PTPRN2: variants seen among roughly 807,000 people sequenced by gnomAD.
PTPRN2 encodes receptor-type tyrosine-protein phosphatase N2.
Under a neutral mutation model 118.8 loss-of-function variants are expected in PTPRN2, and 74 were observed. That is an observed-to-expected ratio of 0.62 (90% confidence interval 0.52 to 0.76). The LOEUF (loss-of-function observed/expected upper bound fraction) is 0.76. PTPRN2 is among the 30% of genes least tolerant of loss of function. The pLI is 0.00. For synonymous variants in PTPRN2, 641 were observed against 608.0 expected (o/e 1.05, Z -0.80); for missense variants, 1,481 against 1,394.4 (o/e 1.06, Z -0.99).
intron 1 of PTPRN2, among the ~76,000 whole-genome samples, chr7:158,494,403 C>T (rs10271982): frequency 0.22 from 34,195 of 152,262 alleles, 3,901 homozygotes; most frequent in South Asian, 0.34. Flanking sequence ...AGGATGCACA[C>T]GCCTTCTGAA....
chr7:157,777,065 G>A (rs1156730029), intron 12 of PTPRN2, among the ~76,000 whole-genome samples: 1 of 146,302 alleles, frequency 6.8e-6, no homozygotes, highest in Non-Finnish European at 1.5e-5. Flanking sequence ...CTCTGGTGCT[G>A]TGGCTTTCCC....
intron 21 of PTPRN2, among the ~76,000 whole-genome samples, chr7:157,554,317 CCCG>C (rs1798777368): frequency 2.0e-5 from 2 of 98,738 alleles, no homozygotes; most frequent in Non-Finnish European, 4.1e-5. Context: ...CCGGATCCTG[CCCG>C]CTCTCGTGCC....
chr7:157,749,485 G>C (rs1391640679), intron 12 of PTPRN2, among the ~76,000 whole-genome samples: 1 of 140,610 alleles, frequency 7.1e-6, no homozygotes, highest in Non-Finnish European at 1.5e-5. Context: ...TGGGTTGTCT[G>C]GGTGATTCTG....
chr7:157,655,853 C>A (rs983562503), intron 14 of PTPRN2, among the ~76,000 whole-genome samples: 1 of 152,104 alleles, frequency 6.6e-6, no homozygotes, highest in African/African-American at 2.4e-5. Context: ...GAAGCCGCGT[C>A]GCCGTGAGCC....
At chr7:157,796,234 G>A (rs1363317177) in intron 12 of PTPRN2, among the ~76,000 whole-genome samples, 2 of 152,210 alleles carry the variant, frequency 1.3e-5, no homozygotes, top group East Asian at 1.9e-4. Context: ...GTATTGATGC[G>A]AGGACTTGTG....
chr7:158,489,720 G>C lies in PTPRN2; in HGVS notation c.163+15C>G. On this transcript the variant is annotated intron_variant, in intron 2 of 22. Coordinates refer to ENST00000389418, the MANE Select transcript of PTPRN2 (RefSeq NM_002847.5). ...GGGGCAGACCAGGGCGCAGCAGCCA[G>C]GACCCCACACTCACCGTTCACACAG... 6.4e-7 allele frequency: 1 copy of C among 1,573,350 alleles called. No individual in the cohort carries two copies. Among genetic ancestry groups the C allele is most frequent in the South Asian group, 1.2e-5 (1 of 85,806 alleles).
At chr7:158,052,517 G>A (rs970567878) in intron 11 of PTPRN2, among the ~76,000 whole-genome samples, 1 of 152,220 alleles carries the variant, frequency 6.6e-6, no homozygotes, top group African/African-American at 2.4e-5. Flanking sequence ...AGTCTCCGCC[G>A]CATGGATGGT....
intron 12 of PTPRN2, among the ~76,000 whole-genome samples, chr7:157,885,706 G>C (rs528192290): frequency 1.3e-5 from 2 of 152,354 alleles, no homozygotes; most frequent in East Asian, 3.9e-4. Context: ...ATGTGCTATA[G>C]ATGTAGCTAA....
intron 17 of PTPRN2, among the ~76,000 whole-genome samples, chr7:157,578,642 C>T (rs1307938163): frequency 6.6e-6 from 1 of 152,200 alleles, no homozygotes; most frequent in Non-Finnish European, 1.5e-5. Flanking sequence ...TTTGTTTATA[C>T]CGAAATATGG....
intron 2 of PTPRN2, among the ~76,000 whole-genome samples, chr7:158,409,758 A>G (rs756466819): frequency 4.6e-5 from 7 of 152,196 alleles, no homozygotes; most frequent in Non-Finnish European, 8.8e-5. Context: ...CGCTCTGAAG[A>G]ACAGGTGCCC....
intron 3 of PTPRN2, among the ~76,000 whole-genome samples, chr7:158,300,005 C>A (rs986377496): frequency 5.3e-5 from 8 of 152,156 alleles, no homozygotes; most frequent in Non-Finnish European, 1.0e-4. Context: ...AAAACGAGCA[C>A]CATTTCCTCC....
At chr7:158,427,992 CAG>C (rs1815866952) in intron 2 of PTPRN2, among the ~76,000 whole-genome samples, 1 of 112,482 alleles carries the variant, frequency 8.9e-6, no homozygotes, top group Non-Finnish European at 1.9e-5. Flanking sequence ...GAGGCCTGCA[CAG>C]CGCCGGGAAA....
intron 12 of PTPRN2, among the ~76,000 whole-genome samples, chr7:157,766,195 CCATCCATCCATCCAT>C (rs1802472098): frequency 6.9e-6 from 1 of 145,770 alleles, no homozygotes; most frequent in Admixed American, 6.8e-5. Context: ...ATCCATCCAT[CCATCCATCCATCCAT>C]CCACCCACAC....
intron 20 of PTPRN2, among the ~76,000 whole-genome samples, chr7:157,570,165 C>G (rs550902803): frequency 6.6e-6 from 1 of 152,380 alleles, no homozygotes; most frequent in East Asian, 1.9e-4. Flanking sequence ...CCTGGGCCGC[C>G]ACGTAACCCT....
intron 2 of PTPRN2, among the ~76,000 whole-genome samples, chr7:158,440,698 TA>T (rs1294075124): frequency 4.8e-5 from 7 of 146,682 alleles, no homozygotes; most frequent in African/African-American, 7.8e-5. Context: ...GTGATGGTGA[TA>T]GGGGTGGATA....
chr7:157,675,136 C>T (rs1796603574), intron 13 of PTPRN2, among the ~76,000 whole-genome samples: 1 of 151,518 alleles, frequency 6.6e-6, no homozygotes, highest in African/African-American at 2.4e-5. Flanking sequence ...TTTACACTTC[C>T]CTTTACTCCC....
chr7:157,993,643 C>G (rs1261094205), intron 11 of PTPRN2, among the ~76,000 whole-genome samples: 1 of 152,176 alleles, frequency 6.6e-6, no homozygotes, highest in East Asian at 1.9e-4. Flanking sequence ...CCTGGCTCCA[C>G]TTTCATGCAA....
chr7:158,337,764 CTG>C (rs1805972948), intron 2 of PTPRN2, among the ~76,000 whole-genome samples: 74 of 94,360 alleles, frequency 7.8e-4, no homozygotes, highest in African/African-American at 1.7e-3. Context: ...GAGGTGACAC[CTG>C]CAAACGTCAC....
In PTPRN2 at chr7:157,990,572, G is replaced by A. The variant is rs1402940994; in HGVS notation, c.1723+90726C>T. ...GCAGGGGGAGAGCGACACAAGGCAA[G>A]GGAGGAGACATCGGTGGATGGGGGA... On this transcript the variant is annotated intron_variant, in intron 11 of 22. Coordinates refer to ENST00000389418, the MANE Select transcript of PTPRN2 (RefSeq NM_002847.5). The surrounding 1 kb of genome is among the most constrained non-coding windows in gnomAD (Gnocchi z 4.3). Among the ~76,000 whole-genome samples the A allele has an allele frequency of 6.6e-6, 1 of 152,166 alleles. No individual in the cohort carries two copies. Among genetic ancestry groups the A allele is most frequent in the Non-Finnish European group, 1.5e-5 (1 of 68,032 alleles).
Sources: gnomAD v4.1 joint callset for allele counts (sites outside exome capture counted in the v4.1 genomes callset) on GRCh38, gnomAD v4.1.1 for gene constraint, Gnocchi (gnomAD v3.1) non-coding constraint, MANE v1.5 for transcripts, NCBI Gene and HGNC (gene_info 2026-07-23, HGNC 2026-07-21) for gene names.